TDRD5: variants seen among roughly 807,000 people sequenced by gnomAD.
TDRD5 encodes the protein tudor domain containing 5.
In TDRD5, 41 loss-of-function variants were observed where a neutral mutation model predicts 120.6. The observed-to-expected ratio is 0.34, with a 90% confidence interval of 0.26 to 0.44. The LOEUF (loss-of-function observed/expected upper bound fraction) is 0.44. Ranked by LOEUF, TDRD5 falls within the 20% of genes least tolerant of loss-of-function variation. The pLI is 1.00. For missense variants in TDRD5, 1,006 were observed against 1,221.2 expected, an observed-to-expected ratio of 0.82 and a Z score of 2.63; for synonymous variants, 430 against 433.7, an observed-to-expected ratio of 0.99 and a Z score of 0.11.
rs768628034 is a variant in TDRD5 at position 179,669,424 on chromosome 1, T to C, written c.2860+20T>C. 16 of 1,612,846 alleles carry C rather than the reference T, an allele frequency of 9.9e-6. No individual in the cohort carries two copies. In the South Asian group the frequency reaches 1.8e-4, roughly 18 times the overall value. ...GTTCTGGTATGTTTGTGTGTACTTG[T>C]GCATGCTCACAGTTGACAAACATGA... is the stretch of plus-strand genomic sequence containing the variant. On this transcript the variant is annotated intron_variant, in intron 17 of 17. Transcript: ENST00000444136.
intron 17 of TDRD5, 90 bp from the exon 18 acceptor site, chr1:179,690,606 C>G: frequency 1.3e-6 from 2 of 1,503,368 alleles, no homozygotes; most frequent in South Asian, 2.7e-5. Context: ...ATGATTGTAA[C>G]ACATATTAGT....
intron 17 of TDRD5, among the ~76,000 whole-genome samples, chr1:179,675,976 C>T (rs947972514): frequency 1.4e-4 from 21 of 151,912 alleles, no homozygotes; most frequent in Admixed American, 4.6e-4. Flanking sequence ...ATTGTGTTGC[C>T]GTCGATATCT....
chr1:179,601,931 G>A (rs4604656), intron 4 of TDRD5, among the ~76,000 whole-genome samples: 16,782 of 152,138 alleles, frequency 0.11, 1,127 homozygotes, highest in African/African-American at 0.18. Context: ...TCAGCCTCCC[G>A]AGTAGCTGGG....
intron 17 of TDRD5, among the ~76,000 whole-genome samples, chr1:179,686,638 T>A (rs1217074996): frequency 6.6e-6 from 1 of 152,060 alleles, no homozygotes; most frequent in East Asian, 1.9e-4. Flanking sequence ...TCTTTGTACC[T>A]CTGGTAGAAT....
Position 179,662,129 on chromosome 1 carries a change from G to T in TDRD5, c.2348G>T (p.Cys783Phe), listed in dbSNP as rs774377659. 1 of 1,592,076 alleles carries T rather than the reference G, an allele frequency of 6.3e-7. No individual in the cohort carries two copies. The highest frequency in any genetic ancestry group is 8.5e-7 in the Non-Finnish European group (1 of 1,171,716). Residue 783 changes from cysteine to phenylalanine, a missense_variant, in exon 15 of 18, where the codon TGC becomes TTC. Coordinates refer to ENST00000444136, the MANE Select transcript of TDRD5 (RefSeq NM_001199085.3). Reference protein sequence around the residue: ...NEDEIPTGMPCLESVTIGDDI... With the variant: ...NEDEIPTGMPFLESVTIGDDI... Reference sequence around the variant, plus strand: ...GATGAGATCCCCACTGGAATGCCATGCCTGGAGTCAGTGACCATAGGTGAT... The same window carrying T: ...GATGAGATCCCCACTGGAATGCCATTCCTGGAGTCAGTGACCATAGGTGAT...
intron 11 of TDRD5, among the ~76,000 whole-genome samples, chr1:179,643,236 C>T (rs1678149243): frequency 6.6e-6 from 1 of 151,832 alleles, no homozygotes; most frequent in South Asian, 2.1e-4. Context: ...CCAGTTAAAA[C>T]AAATCACTCT....
chr1:179,690,795 CTT>C lies in TDRD5; in HGVS notation c.2962_2963del (p.Leu988AspfsTer5), dbSNP rs765281028. On this transcript the variant is annotated frameshift_variant, in exon 18 of 18. Transcript: ENST00000444136. LOFTEE classifies it high-confidence loss of function. Reference sequence around the variant, plus strand: ...CGTCAAGAATCTGTAGACCAGCTGTCTTTGATTTTGTCTTATGAGTGCCAGAT... The same window carrying C: ...CGTCAAGAATCTGTAGACCAGCTGTCTGATTTTGTCTTATGAGTGCCAGAT... 1.2e-6 allele frequency: 2 copies of C among 1,614,216 alleles called. No individual in the cohort carries two copies. Among genetic ancestry groups the C allele is most frequent in the Non-Finnish European group, 1.7e-6 (2 of 1,180,038 alleles).
intron 17 of TDRD5, among the ~76,000 whole-genome samples, chr1:179,672,527 T>G (rs763820926): frequency 6.6e-6 from 1 of 152,186 alleles, no homozygotes; most frequent in Non-Finnish European, 1.5e-5. Context: ...GTGAAGATTT[T>G]CTCCCATTCT....
At chr1:179,625,590 G>A (rs1163531412) in intron 6 of TDRD5, among the ~76,000 whole-genome samples, 1 of 152,080 alleles carries the variant, frequency 6.6e-6, no homozygotes, top group African/African-American at 2.4e-5. Context: ...CAACTACTGT[G>A]GAAAATGTTC....
At chr1:179,681,588 C>A (rs757677835) in intron 17 of TDRD5, among the ~76,000 whole-genome samples, 14 of 152,000 alleles carry the variant, frequency 9.2e-5, no homozygotes, top group Non-Finnish European at 1.5e-4. Flanking sequence ...CTGTAAAGAG[C>A]CAAAAAATAA....
At chr1:179,620,025 T>C (rs1180691685) in intron 5 of TDRD5, among the ~76,000 whole-genome samples, 1 of 152,228 alleles carries the variant, frequency 6.6e-6, no homozygotes, top group Non-Finnish European at 1.5e-5. Flanking sequence ...TGAGAAAGTT[T>C]ATATATGTCT....
chr1:179,685,280 G>T (rs1199130862), intron 17 of TDRD5, among the ~76,000 whole-genome samples: 1 of 152,144 alleles, frequency 6.6e-6, no homozygotes, highest in Non-Finnish European at 1.5e-5. Flanking sequence ...AGTTTTCCCA[G>T]CACCATTTAT....
chr1:179,648,563 G>T (rs1169686208), intron 11 of TDRD5, among the ~76,000 whole-genome samples: 4 of 147,962 alleles, frequency 2.7e-5, no homozygotes, highest in Non-Finnish European at 5.9e-5. Flanking sequence ...CCTGCACATT[G>T]TGCACATGTA....
chr1:179,637,605 G>C, intron 9 of TDRD5, among the ~76,000 whole-genome samples: 1 of 151,376 alleles, frequency 6.6e-6, no homozygotes, highest in East Asian at 1.9e-4. Flanking sequence ...AAATTAGCTG[G>C]GCATGATGGT....
intron 17 of TDRD5, among the ~76,000 whole-genome samples, chr1:179,685,507 A>C (rs1680654427): frequency 6.6e-6 from 1 of 152,062 alleles, no homozygotes; most frequent in African/African-American, 2.4e-5. Context: ...TTGGCTTAGG[A>C]TTGTCTTGGC....
At chr1:179,649,157 G>A (rs148612130) in intron 11 of TDRD5, among the ~76,000 whole-genome samples, 1,526 of 151,954 alleles carry the variant, frequency 0.01, 31 homozygotes, top group African/African-American at 0.034. Flanking sequence ...TCTATTAGTC[G>A]CTCCTGTTCT....
intron 12 of TDRD5, among the ~76,000 whole-genome samples, chr1:179,651,475 A>T (rs1678709014): frequency 6.6e-6 from 1 of 151,580 alleles, no homozygotes; most frequent in African/African-American, 2.4e-5. Context: ...AATAATAATA[A>T]TAAAATAAAA....
chr1:179,594,197 CAT>C (rs1428582850), intron 3 of TDRD5, among the ~76,000 whole-genome samples: 51 of 152,286 alleles, frequency 3.3e-4, no homozygotes, highest in African/African-American at 1.2e-3. Flanking sequence ...ATGAACTTTA[CAT>C]GAATGTGTTC....
At position 179,592,808 on chromosome 1, in the gene TDRD5, C is replaced by G; in HGVS notation, c.193C>G (p.Arg65Gly). Residue 65 changes from arginine to glycine, a missense_variant, in exon 2 of 18, where the codon CGT (arginine) becomes GGT (glycine). Physicochemically the swap from Arg to Gly is moderately radical, Grantham distance 125 (BLOSUM62 -2). Coordinates refer to ENST00000444136, the MANE Select transcript of TDRD5 (RefSeq NM_001199085.3). Reference sequence around the variant, plus strand: ...GGTATTGGACATGCCTGATGTTGTTCGTGTCTGCCCCGGTGCAGGTGGTAC... The same window carrying G: ...GGTATTGGACATGCCTGATGTTGTTGGTGTCTGCCCCGGTGCAGGTGGTAC... ...ELVLDMPDVVRVCPGAGGTVI... is the reference protein window; with the variant it reads ...ELVLDMPDVVGVCPGAGGTVI... 2 of 1,614,106 alleles carry G rather than the reference C, an allele frequency of 1.2e-6. No homozygotes were observed. Among genetic ancestry groups the G allele is most frequent in the Non-Finnish European group, 1.7e-6 (2 of 1,180,014 alleles).
Sources: allele counts gnomAD v4.1 joint callset (sites outside exome capture counted in the v4.1 genomes callset), GRCh38; gene constraint gnomAD v4.1.1; transcripts MANE v1.5; gene names NCBI Gene and HGNC (gene_info 2026-07-23, HGNC 2026-07-21).